Variants in DLG2 observed in about 807,000 individuals in gnomAD.
DLG2 encodes discs large MAGUK scaffold protein 2.
DLG2 carries 45 observed loss-of-function variants against 132.5 expected under a neutral mutation model. That is an observed-to-expected ratio of 0.34 (90% CI 0.27 to 0.44). The LOEUF is 0.44. Among genes scored for constraint, DLG2 ranks in the 20% least tolerant of loss-of-function variants. The pLI, the probability that DLG2 is intolerant of heterozygous loss-of-function variation, is 1.00. For missense variants in DLG2, 1,045 were observed against 1,196.9 expected, an observed-to-expected ratio of 0.87 and a Z score of 1.87; for synonymous variants, 424 against 419.6, an observed-to-expected ratio of 1.01 and a Z score of -0.13.
intron 16 of DLG2, among the ~76,000 whole-genome samples, chr11:83,855,691 A>C (rs2060426676): frequency 6.6e-6 from 1 of 152,168 alleles, no homozygotes; most frequent in African/African-American, 2.4e-5. Context: ...TTGGTAAAAG[A>C]AGATACAATT....
intron 8 of DLG2, among the ~76,000 whole-genome samples, chr11:84,230,789 G>A (rs1211480238): frequency 6.6e-6 from 1 of 152,192 alleles, no homozygotes; most frequent in Non-Finnish European, 1.5e-5. Context: ...GGAAACCTTA[G>A]ATAGGATATG....
At chr11:84,484,690 A>C (rs543537164) in intron 7 of DLG2, among the ~76,000 whole-genome samples, 2 of 152,172 alleles carry the variant, frequency 1.3e-5, no homozygotes, top group African/African-American at 4.8e-5. Context: ...ATGTTGGCAA[A>C]TTAAGAGTTT....
At chr11:83,655,871 T>A (rs572646849) in intron 18 of DLG2, among the ~76,000 whole-genome samples, 2 of 152,336 alleles carry the variant, frequency 1.3e-5, no homozygotes, top group South Asian at 4.1e-4. Flanking sequence ...CACATACTGT[T>A]TTACTGTTTC....
At chr11:83,798,398 A>G (rs2043412535) in intron 17 of DLG2, among the ~76,000 whole-genome samples, 1 of 152,244 alleles carries the variant, frequency 6.6e-6, no homozygotes, top group South Asian at 2.1e-4. Flanking sequence ...AATAGTTGCT[A>G]TGTGTATTAT....
At chr11:85,429,266 C>A (rs1044247888) in intron 3 of DLG2, among the ~76,000 whole-genome samples, 1 of 152,222 alleles carries the variant, frequency 6.6e-6, no homozygotes, top group African/African-American at 2.4e-5. Flanking sequence ...TCCTCCCTAA[C>A]TCATTTTATG....
intron 6 of DLG2, among the ~76,000 whole-genome samples, chr11:84,596,991 C>T (rs548885782): frequency 3.9e-5 from 6 of 152,180 alleles, no homozygotes; most frequent in South Asian, 2.1e-4. Flanking sequence ...GAAGCTAAGG[C>T]GGGCGGATCA....
intron 4 of DLG2, among the ~76,000 whole-genome samples, chr11:85,229,985 G>A (rs988139924): frequency 6.6e-6 from 1 of 151,990 alleles, no homozygotes; most frequent in Non-Finnish European, 1.5e-5. Flanking sequence ...GTCAAGGGGT[G>A]GGGAGCTAGA....
At chr11:84,623,828 G>T (rs749988161) in intron 6 of DLG2, among the ~76,000 whole-genome samples, 1 of 152,222 alleles carries the variant, frequency 6.6e-6, no homozygotes, top group Non-Finnish European at 1.5e-5. Context: ...ACCACAATGA[G>T]AATATTTTTT....
chr11:85,128,785 T>C (rs1312173713), intron 5 of DLG2, among the ~76,000 whole-genome samples: 1 of 152,132 alleles, frequency 6.6e-6, no homozygotes, highest in Non-Finnish European at 1.5e-5. Context: ...AGTTATTGGA[T>C]TGTGTTTAGC....
chr11:83,498,255 A>G lies in DLG2; in HGVS notation c.2194-14027T>C, dbSNP rs141510844. On this transcript the variant is annotated intron_variant, in intron 21 of 27. Transcript: ENST00000376104. ...TGATAACATATTAATAGCTCTCACC[A>G]TAGTTGCTGACACTATAGTTCAATA... 6.9e-3 allele frequency among the ~76,000 whole-genome samples: 1,057 copies of G among 152,240 alleles called. 18 individuals are homozygous for G. Among genetic ancestry groups the G allele is most frequent in the African/African-American group, 0.025 (1,024 of 41,584 alleles).
At chr11:84,271,912 C>T (rs1373323005) in intron 7 of DLG2, among the ~76,000 whole-genome samples, 1 of 121,602 alleles carries the variant, frequency 8.2e-6, no homozygotes, top group Non-Finnish European at 1.6e-5. Flanking sequence ...CGAGGAAATA[C>T]TTGAGGTCCA....
At chr11:85,474,328 G>A (rs2093073803) in intron 3 of DLG2, among the ~76,000 whole-genome samples, 1 of 151,894 alleles carries the variant, frequency 6.6e-6, no homozygotes, top group South Asian at 2.1e-4. Flanking sequence ...ATGAAAATTT[G>A]AATTGAATCT....
chr11:84,371,828 G>T (rs1275348490), intron 7 of DLG2, among the ~76,000 whole-genome samples: 1 of 151,984 alleles, frequency 6.6e-6, no homozygotes, highest in Non-Finnish European at 1.5e-5. Context: ...CTCCTGCATG[G>T]TATATAAGGA....
intron 17 of DLG2, among the ~76,000 whole-genome samples, chr11:83,787,498 T>C (rs979994344): frequency 2.0e-5 from 3 of 151,640 alleles, no homozygotes; most frequent in African/African-American, 7.3e-5. Context: ...ATTTTTTATA[T>C]TTTCAGTAGA....
chr11:84,821,477 C>T (rs2077669140), intron 6 of DLG2, among the ~76,000 whole-genome samples: 1 of 151,498 alleles, frequency 6.6e-6, no homozygotes, highest in African/African-American at 2.4e-5. Context: ...AATGTTATGT[C>T]ACATTCATGT....
At chr11:85,611,884 C>A (rs1056773642) in intron 2 of DLG2, among the ~76,000 whole-genome samples, 3 of 151,626 alleles carry the variant, frequency 2.0e-5, no homozygotes, top group African/African-American at 7.3e-5. Flanking sequence ...GGGAGAACAG[C>A]AGCATAAGCA....
intron 7 of DLG2, among the ~76,000 whole-genome samples, chr11:84,522,844 A>G (rs2099308664): frequency 6.6e-6 from 1 of 152,152 alleles, no homozygotes; most frequent in Admixed American, 6.5e-5. Context: ...GCACATCCTG[A>G]TTATCTTTAA....
chr11:85,332,342 T>C (rs2081819483), intron 3 of DLG2, among the ~76,000 whole-genome samples: 1 of 152,194 alleles, frequency 6.6e-6, no homozygotes, highest in Non-Finnish European at 1.5e-5. Context: ...TTTGTTCAAG[T>C]TGTTTATAGA....
chr11:84,799,351 C>A lies in DLG2; in HGVS notation c.358-264620G>T, dbSNP rs561657925. 5.9e-5 allele frequency among the ~76,000 whole-genome samples: 9 copies of A among 152,278 alleles called. No homozygotes were observed. In the East Asian group the frequency reaches 1.7e-3, roughly 29 times the overall value. ...CCCTCCAGCTGCTGTGCTCTTCCTC[C>A]CCCAAGTGCACAGATTCTCTCTTGG... On this transcript the variant is annotated intron_variant, in intron 6 of 27. Coordinates refer to ENST00000376104, the MANE Select transcript of DLG2 (RefSeq NM_001142699.3).
Sources: gnomAD v4.1 joint callset for allele counts (sites outside exome capture counted in the v4.1 genomes callset) on GRCh38, gnomAD v4.1.1 for gene constraint, MANE v1.5 for transcripts, NCBI Gene and HGNC (gene_info 2026-07-23, HGNC 2026-07-21) for gene names.